PAQR5: variants seen among roughly 807,000 people sequenced by gnomAD.
The protein encoded by PAQR5 is progestin and adipoQ receptor family member 5.
In PAQR5, 20 loss-of-function variants were observed where a neutral mutation model predicts 34.5. That is an observed-to-expected ratio of 0.58 (90% confidence interval 0.41 to 0.84). The LOEUF (loss-of-function observed/expected upper bound fraction) is 0.84, where lower values mean the gene tolerates loss of function less well. Ranked by LOEUF, PAQR5 falls within the 40% of genes least tolerant of loss-of-function variation. The pLI is 0.00. For synonymous variants in PAQR5, 131 were observed against 155.6 expected, an observed-to-expected ratio of 0.84 and a Z score of 1.18; for missense variants, 378 against 412.7, an observed-to-expected ratio of 0.92 and a Z score of 0.73.
rs796257292 is a variant in PAQR5, at chr15:69,300,764, T to C, written c.-277+1708T>C. Among the ~76,000 whole-genome samples, 3 of 32,336 alleles carry C rather than the reference T, an allele frequency of 9.3e-5. 1 individual carries two copies. The highest frequency in any genetic ancestry group is 2.1e-4 in the Non-Finnish European group (3 of 14,492). 21.2% of individuals were successfully genotyped at this position (32,336 alleles called of 152,430 possible). Reference sequence around the variant, plus strand: ...TCTTTCTTTCATTCTTTCTCTTCCTTCCTCCCTCCCTCTCTCTCTCTCTTT... The same window carrying C: ...TCTTTCTTTCATTCTTTCTCTTCCTCCCTCCCTCCCTCTCTCTCTCTCTTT... On this transcript the variant is annotated intron_variant, in intron 1 of 8. Coordinates refer to ENST00000395407, the MANE Select transcript of PAQR5 (RefSeq NM_017705.4).
intron 4 of PAQR5, chr15:69,380,419 C>G (rs2055850542): frequency 5.8e-6 from 1 of 173,026 alleles, no homozygotes; most frequent in Non-Finnish European, 1.2e-5. Context: ...GAGTGATGGT[C>G]CGCACCTCCC....
chr15:69,354,581 G>A (rs867421502), intron 2 of PAQR5, among the ~76,000 whole-genome samples: 1 of 152,146 alleles, frequency 6.6e-6, no homozygotes, highest in Admixed American at 6.5e-5. Flanking sequence ...CTATCTTATT[G>A]TTATTGTTTT....
chr15:69,366,656 C>T (rs1051046715), intron 3 of PAQR5, among the ~76,000 whole-genome samples: 6 of 152,014 alleles, frequency 3.9e-5, no homozygotes, highest in South Asian at 4.2e-4. Context: ...CTAAGTGTGC[C>T]GATAAATAAT....
At chr15:69,394,922 C>T (rs2056373659) in intron 6 of PAQR5, among the ~76,000 whole-genome samples, 1 of 152,234 alleles carries the variant, frequency 6.6e-6, no homozygotes, top group Admixed American at 6.5e-5. Context: ...CCTCTAGACC[C>T]GGCTTTGCAG....
chr15:69,361,123 G>A (rs960272626), intron 3 of PAQR5, among the ~76,000 whole-genome samples: 3 of 152,166 alleles, frequency 2.0e-5, no homozygotes, highest in African/African-American at 7.2e-5. Context: ...ATGACACTGG[G>A]CAGAGCACCT....
intron 1 of PAQR5, among the ~76,000 whole-genome samples, chr15:69,328,606 G>C (rs542603742): frequency 6.6e-6 from 1 of 152,234 alleles, no homozygotes; most frequent in East Asian, 1.9e-4. Context: ...GGCCAGCCTG[G>C]AAAGACTCCC....
chr15:69,320,644 T>C (rs1210739733), intron 1 of PAQR5, among the ~76,000 whole-genome samples: 1 of 152,198 alleles, frequency 6.6e-6, no homozygotes, highest in East Asian at 1.9e-4. Flanking sequence ...AGAATACCAA[T>C]AAACATTGAC....
At position 69,385,173 on chromosome 15, in the gene PAQR5, A is replaced by G. The variant is rs2056072346; in HGVS notation, c.385+291A>G. On this transcript the variant is annotated intron_variant, in intron 5 of 8. Coordinates refer to ENST00000395407, the MANE Select transcript of PAQR5 (RefSeq NM_017705.4). This position sits in a 1 kb window ranked among gnomAD's most constrained non-coding sequence, Gnocchi z 4.7. ...TCCAGCTTCAACCTACTAACATGACATCACAGAACACAAGGGTGGGAAGAG... is the reference window on the plus strand; with the variant it reads ...TCCAGCTTCAACCTACTAACATGACGTCACAGAACACAAGGGTGGGAAGAG... Among the ~76,000 whole-genome samples, 1 of 152,248 alleles carries G rather than the reference A, an allele frequency of 6.6e-6. No individual in the cohort carries two copies. The highest frequency in any genetic ancestry group is 1.5e-5 in the Non-Finnish European group (1 of 68,044).
intron 2 of PAQR5, among the ~76,000 whole-genome samples, chr15:69,353,055 A>G (rs544211960): frequency 6.6e-6 from 1 of 152,206 alleles, no homozygotes; most frequent in Non-Finnish European, 1.5e-5. Context: ...AGTCTCATGA[A>G]TAAAGTGGCC....
At chr15:69,322,520 G>A (rs970780489) in intron 1 of PAQR5, among the ~76,000 whole-genome samples, 28 of 146,242 alleles carry the variant, frequency 1.9e-4, no homozygotes, top group Non-Finnish European at 2.7e-4. Flanking sequence ...GTACTGTGGC[G>A]TGTGCGTGTG....
intron 2 of PAQR5, among the ~76,000 whole-genome samples, chr15:69,357,607 C>A (rs2055113970): frequency 6.6e-6 from 1 of 152,130 alleles, no homozygotes; most frequent in Admixed American, 6.5e-5. Flanking sequence ...CTGATACCAC[C>A]ACATTTTGTT....
intron 1 of PAQR5, among the ~76,000 whole-genome samples, chr15:69,328,202 T>C (rs373091772): frequency 4.6e-4 from 70 of 151,834 alleles, no homozygotes; most frequent in African/African-American, 1.6e-3. Context: ...CTAATAATCA[T>C]AATGACCTTT....
intron 1 of PAQR5, among the ~76,000 whole-genome samples, chr15:69,332,611 T>A (rs2054407786): frequency 6.6e-6 from 1 of 152,032 alleles, no homozygotes; most frequent in Non-Finnish European, 1.5e-5. Context: ...GCCTGAGTTT[T>A]AGTCTTGGCT....
chr15:69,389,711 T>A lies in PAQR5; in HGVS notation c.443T>A (p.Phe148Tyr), dbSNP rs201757632. 1 of 1,614,194 alleles carries A rather than the reference T, an allele frequency of 6.2e-7. No homozygotes were observed. Among genetic ancestry groups the A allele is most frequent in the African/African-American group, 1.3e-5 (1 of 75,064 alleles). ...CCGGATGCGCTCATGTGCACCACTT[T>A]CCATGACTACTACGTGGCCCTGGCT... ...TFPDALMCTT[F>Y]HDYYVALAVL... is the part of the protein sequence containing the mutation. The change falls in exon 6 of 9, where the codon TTC (phenylalanine) becomes TAC (tyrosine). Residue 148 changes from phenylalanine (F) to tyrosine (Y), a missense_variant. Transcript: ENST00000395407.
At chr15:69,349,658 TGAGACG>T in intron 2 of PAQR5, among the ~76,000 whole-genome samples, 1 of 152,150 alleles carries the variant, frequency 6.6e-6, no homozygotes, top group Admixed American at 6.5e-5. Flanking sequence ...TTTTATTTTT[TGAGACG>T]GAGTTTCACT....
intron 3 of PAQR5, among the ~76,000 whole-genome samples, chr15:69,369,977 G>T (rs2055512958): frequency 6.6e-6 from 1 of 152,052 alleles, no homozygotes; most frequent in Non-Finnish European, 1.5e-5. Context: ...TCTGTTTTGG[G>T]GCTTTGTGAC....
At chr15:69,365,754 G>C (rs2055386114) in intron 3 of PAQR5, among the ~76,000 whole-genome samples, 1 of 152,138 alleles carries the variant, frequency 6.6e-6, no homozygotes, top group Non-Finnish European at 1.5e-5. Context: ...TCTAATATTA[G>C]AATTATACAT....
rs200065159 is a variant in PAQR5, at chr15:69,300,773, CCT to C, written c.-277+1730_-277+1731del. On this transcript the variant is annotated intron_variant, in intron 1 of 8. Transcript: ENST00000395407. ...CATTCTTTCTCTTCCTTCCTCCCTC[CCT>C]CTCTCTCTCTCTTTCTTTCTTTCTT... is the stretch of plus-strand genomic sequence containing the variant. 2.7e-3 allele frequency among the ~76,000 whole-genome samples: 42 copies of C among 15,748 alleles called. 12 individuals are homozygous for C. The South Asian group carries it at 0.047, about 18-fold the overall frequency. 10.3% of individuals were successfully genotyped at this position (15,748 alleles called of 152,430 possible). A position where few individuals can be genotyped will look rare whatever the true frequency, so the allele number is the denominator to read the frequency against.
intron 7 of PAQR5, among the ~76,000 whole-genome samples, chr15:69,399,159 C>T (rs886680289): frequency 1.3e-4 from 20 of 152,196 alleles, no homozygotes; most frequent in African/African-American, 4.8e-4. Flanking sequence ...CTCAGAAGGC[C>T]TTCCAGGGAT....
Sources: allele counts gnomAD v4.1 joint callset (sites outside exome capture counted in the v4.1 genomes callset), GRCh38; gene constraint gnomAD v4.1.1; non-coding constraint Gnocchi (gnomAD v3.1); transcripts MANE v1.5; gene names NCBI Gene and HGNC (gene_info 2026-07-23, HGNC 2026-07-21).